Variants in SYNPO2 observed in about 807,000 individuals in gnomAD.
SYNPO2 encodes the protein synaptopodin 2.
SYNPO2 carries 56 observed loss-of-function variants against 85.0 expected under a neutral mutation model. The ratio of observed to expected loss-of-function variants is 0.66; its 90% CI spans 0.53 to 0.82. The LOEUF is 0.82. Ranked by LOEUF, SYNPO2 falls within the 40% of genes least tolerant of loss-of-function variation. SYNPO2 has a pLI of 0.00. For synonymous variants in SYNPO2, 602 were observed against 591.1 expected (o/e 1.02, Z -0.27); for missense variants, 1,575 against 1,534.2 (o/e 1.03, Z -0.44).
intron 1 of SYNPO2, among the ~76,000 whole-genome samples, chr4:118,982,736 A>G (rs1437121323): frequency 6.6e-6 from 1 of 152,198 alleles, no homozygotes; most frequent in Non-Finnish European, 1.5e-5. Context: ...TACCTAAATA[A>G]CAGACCAATC....
chr4:119,007,769 C>T (rs112290894), intron 1 of SYNPO2, among the ~76,000 whole-genome samples: 224 of 152,022 alleles, frequency 1.5e-3, no homozygotes, highest in African/African-American at 5.3e-3. Context: ...TTTTTTTAAC[C>T]ACTGATATTG....
upstream of SYNPO2, among the ~76,000 whole-genome samples, chr4:118,885,833 A>G (rs1230845422): frequency 1.3e-5 from 2 of 152,200 alleles, 1 homozygote; most frequent in African/African-American, 4.8e-5. Flanking sequence ...GCATCAGGGA[A>G]TACATAAGAC....
At chr4:119,034,939 G>A (rs976943604) in intron 4 of SYNPO2, 20 of 985,364 alleles carry the variant, frequency 2.0e-5, no homozygotes, top group African/African-American at 7.0e-5. Context: ...GTTATGAGGT[G>A]TAGGGAGGCA....
Position 119,043,317 on chromosome 4 carries a change from T to C in SYNPO2, c.3252+11290T>C, listed in dbSNP as rs1349049367. Reference sequence around the variant, plus strand: ...TTTAGTCTCCCCAGAAGTTACTTTTTATCTTAGGCTAAGATTACATATCCA... The same window carrying C: ...TTTAGTCTCCCCAGAAGTTACTTTTCATCTTAGGCTAAGATTACATATCCA... On this transcript the variant is annotated intron_variant, in intron 4 of 4. Transcript: ENST00000307142. The C allele has an allele frequency of 1.3e-5, 2 of 152,250 alleles. 1 individual carries two copies. The highest frequency in any genetic ancestry group is 2.9e-5 in the Non-Finnish European group (2 of 68,058). The allele number at this position is 152,250 out of a possible 1,614,324, so 9.4% of individuals were successfully genotyped here. A position where few individuals can be genotyped will look rare whatever the true frequency, so the allele number is the denominator to read the frequency against.
chr4:118,972,861 T>C (rs1172188675), intron 1 of SYNPO2, among the ~76,000 whole-genome samples: 1 of 152,182 alleles, frequency 6.6e-6, no homozygotes, highest in East Asian at 1.9e-4. Flanking sequence ...CATTTGAAAA[T>C]TGGAAACAAA....
At chr4:118,997,452 T>A (rs1273494726) in intron 1 of SYNPO2, among the ~76,000 whole-genome samples, 1 of 152,162 alleles carries the variant, frequency 6.6e-6, no homozygotes, top group Non-Finnish European at 1.5e-5. Context: ...CACGGGACAC[T>A]GAGGCTAAAC....
rs558427439 is a variant in SYNPO2, at chr4:118,981,421, A to G, written c.106-42009A>G. 1.5e-3 allele frequency among the ~76,000 whole-genome samples: 225 copies of G among 152,306 alleles called. 7 individuals carry two copies. In the South Asian group the frequency reaches 0.044, roughly 29 times the overall value. ...AGCAGACCCCCCACAGAGCTTCATC[A>G]TAGGGTAGCCACGTCAATGTCAATA... On this transcript the variant is annotated intron_variant, in intron 1 of 4. Transcript: ENST00000307142.
Position 119,026,823 on chromosome 4 carries a change from T to C in SYNPO2, c.454T>C (p.Cys152Arg), listed in dbSNP as rs561190649. The change falls in exon 3 of 5, where the codon TGT becomes CGT. Residue 152 changes from cysteine (C) to arginine (R), a missense_variant. Transcript: ENST00000307142. ...TGAGAACCAAAGAAGTGGTCCCGAC[T>C]GTGCAGGCAGCTTGAAAGAAGAAAC... ...LAENQRSGPD[C>R]AGSLKEETGP... The C allele has an allele frequency of 2.5e-6, 4 of 1,614,064 alleles. No individual in the cohort carries two copies. Among genetic ancestry groups the C allele is most frequent in the East Asian group, 4.5e-5 (2 of 44,858 alleles).
chr4:119,037,233 G>T, intron 4 of SYNPO2: 1 of 1,508,540 alleles, frequency 6.6e-7, no homozygotes, highest in Non-Finnish European at 8.9e-7. Context: ...GAAACACAAA[G>T]AAATCCTGCT....
At chr4:119,036,387 C>T in intron 4 of SYNPO2, 1 of 985,410 alleles carries the variant, frequency 1.0e-6, no homozygotes, top group African/African-American at 1.7e-5. Context: ...GGTCTTGGGT[C>T]CACATATCAT....
chr4:119,044,533 T>C (rs1410083737), intron 4 of SYNPO2, among the ~76,000 whole-genome samples: 1 of 152,190 alleles, frequency 6.6e-6, no homozygotes, highest in Non-Finnish European at 1.5e-5. Context: ...ATTTTATTTT[T>C]ATTTATTTTA....
chr4:119,013,727 T>A (rs1737418341), intron 1 of SYNPO2, among the ~76,000 whole-genome samples: 1 of 152,218 alleles, frequency 6.6e-6, no homozygotes, highest in Non-Finnish European at 1.5e-5. Flanking sequence ...TGATATTGTA[T>A]AATGAAATGT....
chr4:119,003,644 C>G (rs938303909), intron 1 of SYNPO2, among the ~76,000 whole-genome samples: 4 of 152,098 alleles, frequency 2.6e-5, no homozygotes, highest in Admixed American at 2.6e-4. Context: ...CATTTTTTGA[C>G]ATTTTCCCCT....
intron 4 of SYNPO2, among the ~76,000 whole-genome samples, chr4:119,049,618 T>A (rs1005230255): frequency 6.6e-6 from 1 of 152,254 alleles, no homozygotes; most frequent in Non-Finnish European, 1.5e-5. Context: ...TAAGTAAACC[T>A]CAGATTACAC....
At chr4:118,929,861 T>A (rs1733865137) in intron 1 of SYNPO2, among the ~76,000 whole-genome samples, 1 of 152,148 alleles carries the variant, frequency 6.6e-6, no homozygotes, top group South Asian at 2.1e-4. Context: ...TCTAATTTAT[T>A]TATTGTCTAC....
intron 1 of SYNPO2, among the ~76,000 whole-genome samples, chr4:118,876,956 T>C (rs1331940033): frequency 6.6e-6 from 1 of 151,528 alleles, no homozygotes. Flanking sequence ...ATGCTCACTC[T>C]GCCCATCTAA....
At chr4:118,883,598 G>C (rs2149111010) in intron 1 of SYNPO2, among the ~76,000 whole-genome samples, 1 of 152,278 alleles carries the variant, frequency 6.6e-6, no homozygotes, top group African/African-American at 2.4e-5. Flanking sequence ...TAAAGTATCT[G>C]ATACGTTGTT....
At chr4:118,916,421 C>T (rs191365517) in intron 1 of SYNPO2, among the ~76,000 whole-genome samples, 1 of 151,964 alleles carries the variant, frequency 6.6e-6, no homozygotes. Context: ...GATCCACCCC[C>T]CTCAGCCTCC....
intron 1 of SYNPO2, among the ~76,000 whole-genome samples, chr4:118,861,786 G>C (rs1383345795): frequency 6.6e-6 from 1 of 152,130 alleles, no homozygotes; most frequent in Non-Finnish European, 1.5e-5. Flanking sequence ...GATTCCTCCA[G>C]TTTTGTTCTT....
Sources: allele counts gnomAD v4.1 joint callset (sites outside exome capture counted in the v4.1 genomes callset), GRCh38; gene constraint gnomAD v4.1.1; transcripts MANE v1.5; gene names NCBI Gene and HGNC (gene_info 2026-07-23, HGNC 2026-07-21).